Variants in CNTNAP2 observed in about 807,000 individuals in gnomAD.
The protein encoded by CNTNAP2 is contactin associated protein 2.
Under a neutral mutation model 155.2 loss-of-function variants are expected in CNTNAP2, and 98 were observed. The observed-to-expected ratio is 0.63, with a 90% CI of 0.54 to 0.75. The LOEUF is 0.75. CNTNAP2 is among the 30% of genes least tolerant of loss of function. The pLI is 0.00. For synonymous variants in CNTNAP2, 651 were observed against 631.2 expected, an observed-to-expected ratio of 1.03 and a Z score of -0.47; for missense variants, 1,727 against 1,688.1, an observed-to-expected ratio of 1.02 and a Z score of -0.40.
intron 13 of CNTNAP2, among the ~76,000 whole-genome samples, chr7:147,883,827 A>C (rs1417620651): frequency 6.6e-6 from 1 of 152,236 alleles, no homozygotes; most frequent in Admixed American, 6.5e-5. Context: ...GCATCTGAAA[A>C]ATGTTTATTA....
chr7:146,349,895 C>T (rs1364578252), intron 1 of CNTNAP2, among the ~76,000 whole-genome samples: 1 of 152,092 alleles, frequency 6.6e-6, no homozygotes, highest in African/African-American at 2.4e-5. Context: ...TCTGGCTACC[C>T]TTAACATTTT....
chr7:148,197,674 T>C (rs944178073), intron 18 of CNTNAP2, among the ~76,000 whole-genome samples: 1 of 152,192 alleles, frequency 6.6e-6, no homozygotes, highest in African/African-American at 2.4e-5. Context: ...AAAAATTAAA[T>C]TGAATTAAAA....
At chr7:147,193,372 G>T (rs1802719871) in intron 8 of CNTNAP2, among the ~76,000 whole-genome samples, 1 of 152,180 alleles carries the variant, frequency 6.6e-6, no homozygotes, top group African/African-American at 2.4e-5. Flanking sequence ...GGAAGTTGTT[G>T]TGTAGATTAT....
At chr7:147,320,073 T>C (rs183328164) in intron 9 of CNTNAP2, among the ~76,000 whole-genome samples, 49 of 152,328 alleles carry the variant, frequency 3.2e-4, no homozygotes, top group African/African-American at 1.2e-3. Flanking sequence ...GCATCTAGCA[T>C]GCAACCTCTA....
At chr7:147,604,133 T>C (rs1801011268) in intron 12 of CNTNAP2, among the ~76,000 whole-genome samples, 1 of 152,012 alleles carries the variant, frequency 6.6e-6, no homozygotes, top group Non-Finnish European at 1.5e-5. Flanking sequence ...GAAGAAAACC[T>C]AGGCATTACC....
At chr7:147,750,884 A>G (rs1195016532) in intron 13 of CNTNAP2, among the ~76,000 whole-genome samples, 2 of 152,006 alleles carry the variant, frequency 1.3e-5, no homozygotes, top group African/African-American at 4.8e-5. Context: ...TAAAAATACA[A>G]AAACATTTGG....
intron 8 of CNTNAP2, among the ~76,000 whole-genome samples, chr7:147,238,916 A>G (rs1173950609): frequency 6.6e-6 from 1 of 152,230 alleles, no homozygotes; most frequent in Non-Finnish European, 1.5e-5. Flanking sequence ...TCTGGCTTCA[A>G]TATCCATTGT....
chr7:146,569,531 G>A (rs577720460), intron 1 of CNTNAP2, among the ~76,000 whole-genome samples: 5 of 152,188 alleles, frequency 3.3e-5, no homozygotes, highest in African/African-American at 1.2e-4. Context: ...AGTAAAGTAA[G>A]TTAATCCTTT....
In CNTNAP2 at chr7:147,412,429, G is replaced by C. The variant is rs113369516; in HGVS notation, c.1670+16649G>C. Among the ~76,000 whole-genome samples the C allele has an allele frequency of 1.3e-3, 193 of 152,152 alleles. 1 individual carries two copies. The highest frequency in any genetic ancestry group is 4.2e-3 in the African/African-American group (176 of 41,510). On this transcript the variant is annotated intron_variant, in intron 10 of 23. Coordinates refer to ENST00000361727, the MANE Select transcript of CNTNAP2 (RefSeq NM_014141.6). ...CTCAATTCATAGATAAACTCCATTA[G>C]GGGAGCCATCTCAGGATCTGTAAGA...
At chr7:146,754,190 C>G (rs757860259) in intron 1 of CNTNAP2, among the ~76,000 whole-genome samples, 2 of 151,986 alleles carry the variant, frequency 1.3e-5, no homozygotes, top group Non-Finnish European at 2.9e-5. Context: ...TCTTCATTCT[C>G]AGAAGGTATA....
chr7:147,124,959 C>A (rs1381104337), intron 6 of CNTNAP2, among the ~76,000 whole-genome samples: 1 of 138,990 alleles, frequency 7.2e-6, no homozygotes, highest in Admixed American at 8.0e-5. Flanking sequence ...TGGCTCACTG[C>A]AACCTCCGCC....
At chr7:147,781,469 G>A (rs1364283327) in intron 13 of CNTNAP2, among the ~76,000 whole-genome samples, 1 of 152,146 alleles carries the variant, frequency 6.6e-6, no homozygotes, top group Non-Finnish European at 1.5e-5. Flanking sequence ...TGCTGACGGG[G>A]TTCAGGAAAT....
intron 1 of CNTNAP2, among the ~76,000 whole-genome samples, chr7:146,558,131 A>C (rs1798224015): frequency 6.6e-6 from 1 of 152,172 alleles, no homozygotes; most frequent in Non-Finnish European, 1.5e-5. Flanking sequence ...ATCAGGCCAA[A>C]GCATCTTCTG....
At chr7:147,209,056 A>G (rs1426294368) in intron 8 of CNTNAP2, among the ~76,000 whole-genome samples, 1 of 151,928 alleles carries the variant, frequency 6.6e-6, no homozygotes, top group African/African-American at 2.4e-5. Context: ...GCTCAGGATT[A>G]CCTTGGTTAT....
chr7:147,780,706 T>C (rs559828211), intron 13 of CNTNAP2, among the ~76,000 whole-genome samples: 456 of 152,308 alleles, frequency 3.0e-3, no homozygotes, highest in African/African-American at 0.011. Context: ...GGTTCCCCTT[T>C]TGACGCTTTT....
At chr7:146,843,826 T>G (rs1327999541) in intron 3 of CNTNAP2, among the ~76,000 whole-genome samples, 1 of 152,136 alleles carries the variant, frequency 6.6e-6, no homozygotes, top group Non-Finnish European at 1.5e-5. Context: ...TTATGTATAC[T>G]GGACTTGAAG....
At chr7:146,351,120 A>G (rs1357489322) in intron 1 of CNTNAP2, among the ~76,000 whole-genome samples, 4 of 151,924 alleles carry the variant, frequency 2.6e-5, no homozygotes, top group African/African-American at 9.7e-5. Flanking sequence ...CATGGCACAT[A>G]TATACATATG....
At chr7:146,355,200 G>A (rs1258544247) in intron 1 of CNTNAP2, among the ~76,000 whole-genome samples, 2 of 152,114 alleles carry the variant, frequency 1.3e-5, no homozygotes, top group African/African-American at 4.8e-5. Flanking sequence ...CCACATAGAA[G>A]AAATCATAAA....
chr7:147,722,227 G>T (rs1222596306), intron 13 of CNTNAP2, among the ~76,000 whole-genome samples: 2 of 152,082 alleles, frequency 1.3e-5, no homozygotes, highest in Non-Finnish European at 2.9e-5. Flanking sequence ...AATTTTATTT[G>T]TCAGTAACAT....
Sources: gnomAD v4.1 joint callset for allele counts (sites outside exome capture counted in the v4.1 genomes callset) on GRCh38, gnomAD v4.1.1 for gene constraint, MANE v1.5 for transcripts, NCBI Gene and HGNC (gene_info 2026-07-23, HGNC 2026-07-21) for gene names.